Variants in ZNF519 observed in about 807,000 individuals in gnomAD.
The protein encoded by ZNF519 is zinc finger protein 519.
In ZNF519, 7 loss-of-function variants were observed where a neutral mutation model predicts 7.4. The ratio of observed to expected loss-of-function variants is 0.94; its 90% CI spans 0.54 to 1.77. ZNF519 has a LOEUF of 1.77. Ranked by LOEUF, ZNF519 falls within the 40% of genes most tolerant of loss-of-function variation. ZNF519 has a pLI of 0.00. For synonymous variants in ZNF519, 179 were observed against 203.3 expected, an observed-to-expected ratio of 0.88 and a Z score of 1.02; for missense variants, 586 against 623.1, an observed-to-expected ratio of 0.94 and a Z score of 0.63.
chr18:14,088,344 C>T lies in ZNF519; in HGVS notation c.131-3268G>A, dbSNP rs545245929. Among the ~76,000 whole-genome samples the T allele has an allele frequency of 1.2e-4, 19 of 152,266 alleles. No individual in the cohort carries two copies. The East Asian group carries it at 3.7e-3, about 29-fold the overall frequency. On this transcript the variant is annotated intron_variant and NMD_transcript_variant, in intron 2 of 4. Transcript: ENST00000587419. ...ACTGCGAAACCCAAGCAGTCCTGCA[C>T]CATAGTCAGTTCCCCTGATCAATAA... is the stretch of plus-strand genomic sequence containing the variant.
Position 14,105,049 on chromosome 18 carries a change from A to C in ZNF519, c.1491T>G (p.Phe497Leu), listed in dbSNP as rs2046181141. The C allele has an allele frequency of 3.1e-6, 5 of 1,610,720 alleles. No homozygotes were observed. The highest frequency in any genetic ancestry group is 1.7e-5 in the Admixed American group (1 of 59,654). ...FFKCKECGKA[F>L]TRSSHLTQHQ... is the part of the protein sequence containing the mutation. Reference sequence around the variant, plus strand: ...GTTGAGTAAGGTGTGAGCTCCTGGTAAAAGCTTTGCCACATTCTTTACATT... The same window carrying C: ...GTTGAGTAAGGTGTGAGCTCCTGGTCAAAGCTTTGCCACATTCTTTACATT... Residue 497 changes from phenylalanine (F) to leucine (L), a missense_variant, in exon 3 of 3, where the codon TTT (phenylalanine) becomes TTG (leucine). Physicochemically the swap from Phe to Leu is conservative, Grantham distance 22. Coordinates refer to ENST00000590202, the MANE Select transcript of ZNF519 (RefSeq NM_145287.4).
chr18:14,106,358 T>C lies in ZNF519; in HGVS notation c.182A>G (p.Asp61Gly). 2 of 1,612,422 alleles carry C rather than the reference T, an allele frequency of 1.2e-6. No homozygotes were observed. Among genetic ancestry groups the C allele is most frequent in the Non-Finnish European group, 8.5e-7 (1 of 1,179,606 alleles). The change falls in exon 3 of 3, where the codon GAT becomes GGT. Residue 61 changes from aspartate (D) to glycine (G), a missense_variant. Coordinates refer to ENST00000590202, the MANE Select transcript of ZNF519 (RefSeq NM_145287.4). ...QGILPEQGIQ[D>G]SFKKATLGRY... ...TCCCAGTGTTGCTTTTTTGAATGAA[T>C]CTTGTATGCCTTGCTCTGGTAAAAT...
intron 1 of ZNF519, among the ~76,000 whole-genome samples, chr18:14,131,093 C>T (rs1173414849): frequency 3.3e-5 from 5 of 152,024 alleles, no homozygotes; most frequent in African/African-American, 7.3e-5. Flanking sequence ...GAAAAAGGCC[C>T]GAATGTGGCT....
downstream of ZNF519, among the ~76,000 whole-genome samples, chr18:14,097,461 G>A (rs937504424): frequency 1.3e-5 from 2 of 152,160 alleles, no homozygotes; most frequent in African/African-American, 4.8e-5. Context: ...TCCCATATCA[G>A]TATGACCTCA....
intron 2 of ZNF519, among the ~76,000 whole-genome samples, chr18:14,114,910 G>GAT (rs1311974786): frequency 6.6e-6 from 1 of 151,936 alleles, no homozygotes; most frequent in East Asian, 1.9e-4. Context: ...GTAACCCATA[G>GAT]ATATATATAG....
intron 1 of ZNF519, among the ~76,000 whole-genome samples, chr18:14,130,191 G>A (rs1196714554): frequency 7.0e-6 from 1 of 143,114 alleles, no homozygotes; most frequent in Non-Finnish European, 1.6e-5. Context: ...CATCTCCGAT[G>A]GTCAAAAAAA....
intron 2 of ZNF519, among the ~76,000 whole-genome samples, chr18:14,094,839 G>C (rs2046129228): frequency 6.6e-6 from 1 of 151,960 alleles, no homozygotes; most frequent in African/African-American, 2.4e-5. Context: ...GATGCCCCCA[G>C]ATGCATTTTT....
At chr18:14,121,738 G>C (rs2143160036) in intron 2 of ZNF519, 1 of 152,092 alleles carries the variant, frequency 6.6e-6, no homozygotes, top group East Asian at 1.9e-4. Flanking sequence ...GATTTATATA[G>C]GTATGTGTAT....
At chr18:14,086,368 A>AGGATCCACG (rs1567939432) in intron 2 of ZNF519, among the ~76,000 whole-genome samples, 1 of 152,192 alleles carries the variant, frequency 6.6e-6, no homozygotes. Context: ...GGGGCCGGAA[A>AGGATCCACG]GCTGTAGCCG....
In ZNF519 at chr18:14,104,045, T is replaced by C. The variant is rs1598514895; in HGVS notation, c.*872A>G. 6.6e-6 allele frequency: 1 copy of C among 152,204 alleles called. No individual in the cohort carries two copies. The highest frequency in any genetic ancestry group is 6.5e-5 in the Admixed American group (1 of 15,286). The allele number at this position is 152,204 out of a possible 1,614,324, so 9.4% of individuals were successfully genotyped here. A position where few individuals can be genotyped will look rare whatever the true frequency, so the allele number is the denominator to read the frequency against. Reference sequence around the variant, plus strand: ...AAATGTGTTCTCTCTTTTCTTAAACTGAGCCTAAGTATTTAGAGGATTGAA... The same window carrying C: ...AAATGTGTTCTCTCTTTTCTTAAACCGAGCCTAAGTATTTAGAGGATTGAA... On this transcript the variant is annotated 3_prime_UTR_variant, in exon 3 of 3. Coordinates refer to ENST00000590202, the MANE Select transcript of ZNF519 (RefSeq NM_145287.4).
Position 14,100,320 on chromosome 18 carries a change from T to C in ZNF519, c.*4597A>G, listed in dbSNP as rs1213378727. Reference sequence around the variant, plus strand: ...GCCAGGAATTGTATGCTGGAAATATTTTCCAGAGTAATGAAAACATGTATT... The same window carrying C: ...GCCAGGAATTGTATGCTGGAAATATCTTCCAGAGTAATGAAAACATGTATT... On this transcript the variant is annotated 3_prime_UTR_variant, in exon 3 of 3. Transcript: ENST00000590202. 1 of 152,156 alleles carries C rather than the reference T, an allele frequency of 6.6e-6. No homozygotes were observed. The highest frequency in any genetic ancestry group is 1.9e-4 in the East Asian group (1 of 5,198). 9.4% of individuals were successfully genotyped at this position (152,156 alleles called of 1,614,324 possible). A position where few individuals can be genotyped will look rare whatever the true frequency, so the allele number is the denominator to read the frequency against.
downstream of ZNF519, among the ~76,000 whole-genome samples, chr18:14,098,642 G>A (rs1303017664): frequency 2.0e-5 from 3 of 152,188 alleles, no homozygotes; most frequent in African/African-American, 7.2e-5. Context: ...ATTTCCCAAA[G>A]TATTCTCTGA....
chr18:14,092,386 T>C (rs1422577931), intron 2 of ZNF519, among the ~76,000 whole-genome samples: 2 of 152,070 alleles, frequency 1.3e-5, no homozygotes, highest in African/African-American at 4.8e-5. Context: ...ACCCTGATAA[T>C]GAAGTCAAAA....
intron 2 of ZNF519, among the ~76,000 whole-genome samples, chr18:14,092,606 C>A (rs1483177590): frequency 6.6e-6 from 1 of 152,112 alleles, no homozygotes; most frequent in South Asian, 2.1e-4. Context: ...CAGAAAGCCT[C>A]GACAGTGACC....
At chr18:14,078,197 C>T (rs2046055894) in intron 4 of ZNF519, 1 of 152,210 alleles carries the variant, frequency 6.6e-6, no homozygotes, top group African/African-American at 2.4e-5. Flanking sequence ...TCCAACCACT[C>T]ACCTCCTGCT....
At position 14,105,302 on chromosome 18, in the gene ZNF519, A is replaced by C. The variant is rs1306158967; in HGVS notation, c.1238T>G (p.Phe413Cys). ...TTGAGTAAGGTGTGAAGCTCTGTTAAAAGCTTTGCCACATTCCTTACACTT... is the reference window on the plus strand; with the variant it reads ...TTGAGTAAGGTGTGAAGCTCTGTTACAAGCTTTGCCACATTCCTTACACTT... ...PFKCKECGKA[F>C]NRASHLTQHQ... is the part of the protein sequence containing the mutation. Residue 413 changes from phenylalanine to cysteine, a missense_variant, in exon 3 of 3, where the codon TTT (phenylalanine) becomes TGT (cysteine). Transcript: ENST00000590202. 1.2e-6 allele frequency: 2 copies of C among 1,613,778 alleles called. No homozygotes were observed. The highest frequency in any genetic ancestry group is 8.5e-7 in the Non-Finnish European group (1 of 1,179,884).
chr18:14,096,062 C>T (rs1042347244), downstream of ZNF519, among the ~76,000 whole-genome samples: 2 of 152,230 alleles, frequency 1.3e-5, no homozygotes, highest in Non-Finnish European at 2.9e-5. Flanking sequence ...GGGGTGAGTC[C>T]AGAGGTGTCA....
Position 14,104,638 on chromosome 18 carries a change from T to C in ZNF519, c.*279A>G, listed in dbSNP as rs796450165. The C allele has an allele frequency of 5.9e-5, 18 of 303,246 alleles. No homozygotes were observed. Among genetic ancestry groups the C allele is most frequent in the African/African-American group, 2.6e-4 (12 of 46,518 alleles). 18.8% of individuals were successfully genotyped at this position (303,246 alleles called of 1,614,324 possible). ...TGAACATTGAATATAATTATGCCTCTCCATCAATGTCGTCCCTCTTTTTAA... is the reference window on the plus strand; with the variant it reads ...TGAACATTGAATATAATTATGCCTCCCCATCAATGTCGTCCCTCTTTTTAA... On this transcript the variant is annotated 3_prime_UTR_variant, in exon 3 of 3. Coordinates refer to ENST00000590202, the MANE Select transcript of ZNF519 (RefSeq NM_145287.4).
intron 3 of ZNF519, chr18:14,080,347 G>A (rs1375852404): frequency 9.4e-6 from 1 of 106,004 alleles, no homozygotes; most frequent in Non-Finnish European, 1.8e-5. Context: ...TTTTGAGACA[G>A]AGTCTCGCTC....
Sources: allele counts gnomAD v4.1 joint callset (sites outside exome capture counted in the v4.1 genomes callset), GRCh38; gene constraint gnomAD v4.1.1; transcripts MANE v1.5; gene names NCBI Gene and HGNC (gene_info 2026-07-23, HGNC 2026-07-21).